ANO6: variants seen among roughly 807,000 people sequenced by gnomAD.
The protein encoded by ANO6 is anoctamin 6.
In ANO6, 106 loss-of-function variants were observed where a neutral mutation model predicts 117.5. That is an observed-to-expected ratio of 0.90 (90% CI 0.77 to 1.06). The LOEUF is 1.06. ANO6 is among the 50% of genes least tolerant of loss of function. ANO6 has a pLI of 0.00. For missense variants in ANO6, 955 were observed against 1,121.1 expected, an observed-to-expected ratio of 0.85 and a Z score of 2.12; for synonymous variants, 367 against 385.1, an observed-to-expected ratio of 0.95 and a Z score of 0.55.
At chr12:45,367,183 T>G (rs1941708048) in intron 8 of ANO6, among the ~76,000 whole-genome samples, 1 of 152,198 alleles carries the variant, frequency 6.6e-6, no homozygotes, top group Non-Finnish European at 1.5e-5. Context: ...GGTTTTGCCA[T>G]GTTGGCCAGG....
chr12:45,403,033 A>G lies in ANO6; in HGVS notation c.1613-39A>G, dbSNP rs763944419. 1.1e-5 allele frequency: 17 copies of G among 1,597,664 alleles called. No homozygotes were observed. In the Admixed American group the frequency reaches 2.8e-4, roughly 27 times the overall value. On this transcript the variant is annotated intron_variant, in intron 13 of 19. Coordinates refer to ENST00000320560, the MANE Select transcript of ANO6 (RefSeq NM_001025356.3). ...TTTTATTAGAGTCTCAAAGCTGTTCACAATTTTAAAATCTTATTTCTCTTT... is the reference window on the plus strand; with the variant it reads ...TTTTATTAGAGTCTCAAAGCTGTTCGCAATTTTAAAATCTTATTTCTCTTT...
At position 45,383,990 on chromosome 12, in the gene ANO6, A is replaced by G. The variant is rs527744718; in HGVS notation, c.1166-4171A>G. ...TGACATCTTCTTCCAATGGGAGGCT[A>G]TTTCATCTACCTTGAAAGTCTGTTG... On this transcript the variant is annotated intron_variant, in intron 10 of 19. Transcript: ENST00000320560. 2.0e-3 allele frequency among the ~76,000 whole-genome samples: 299 copies of G among 152,330 alleles called. 2 individuals are homozygous for G. Among genetic ancestry groups the G allele is most frequent in the African/African-American group, 6.8e-3 (284 of 41,570 alleles).
At chr12:45,220,480 T>G (rs576766070) in intron 1 of ANO6, among the ~76,000 whole-genome samples, 1 of 152,232 alleles carries the variant, frequency 6.6e-6, no homozygotes, top group Non-Finnish European at 1.5e-5. Context: ...AATCTGATAC[T>G]AGCCCCAGTC....
chr12:45,393,388 C>T (rs1942511813), intron 12 of ANO6, among the ~76,000 whole-genome samples: 1 of 152,158 alleles, frequency 6.6e-6, no homozygotes, highest in Non-Finnish European at 1.5e-5. Context: ...CTGAAAGTGA[C>T]AGAGAGAATG....
intron 8 of ANO6, among the ~76,000 whole-genome samples, chr12:45,363,629 G>T (rs773297108): frequency 1.3e-5 from 2 of 152,044 alleles, no homozygotes; most frequent in Non-Finnish European, 2.9e-5. Flanking sequence ...ATATGATTTG[G>T]CTGTGTCCTC....
chr12:45,402,916 G>A (rs1273730325), intron 13 of ANO6, among the ~76,000 whole-genome samples, 156 bp from the exon 14 acceptor site: 1 of 152,180 alleles, frequency 6.6e-6, no homozygotes, highest in Non-Finnish European at 1.5e-5. Context: ...TAACACAGTG[G>A]CTATATTAAG....
chr12:45,421,048 G>A (rs758043891), intron 17 of ANO6, 23 bp from the exon 18 acceptor site: 57 of 1,611,666 alleles, frequency 3.5e-5, no homozygotes, highest in Non-Finnish European at 4.5e-5. Context: ...CTTCATTTTC[G>A]CTTTGTTTTT....
In ANO6 at chr12:45,421,059, C is replaced by T. The variant is rs746478809; in HGVS notation, c.2218-12C>T. On this transcript the variant is annotated splice_polypyrimidine_tract_variant and intron_variant, in intron 17 of 19. Coordinates refer to ENST00000320560, the MANE Select transcript of ANO6 (RefSeq NM_001025356.3). The stretch of plus-strand genomic sequence containing the variant: ...ATAACTTCATTTTCGCTTTGTTTTT[C>T]TCCCAAAATAGGCCATGATCATAGC... 3.1e-6 allele frequency: 5 copies of T among 1,613,684 alleles called. No individual in the cohort carries two copies. The highest frequency in any genetic ancestry group is 4.2e-6 in the Non-Finnish European group (5 of 1,179,770).
At chr12:45,291,060 A>G (rs1399535847) in intron 1 of ANO6, among the ~76,000 whole-genome samples, 1 of 152,212 alleles carries the variant, frequency 6.6e-6, no homozygotes, top group Non-Finnish European at 1.5e-5. Context: ...TCTTCAACAA[A>G]TGGTGCTGCA....
intron 15 of ANO6, 50 bp downstream of exon 15, chr12:45,403,586 G>A: frequency 6.8e-7 from 1 of 1,473,194 alleles, no homozygotes; most frequent in Non-Finnish European, 9.5e-7. Context: ...GGATAGAACA[G>A]CCCATCCACA....
chr12:45,317,570 T>C lies in ANO6; in HGVS notation c.151-13725T>C, dbSNP rs543180279. ...AAGTCTTTGCTATTGTGAATAGTGCTGCAATAAACATACGTGTGCATGTGT... is the reference window on the plus strand; with the variant it reads ...AAGTCTTTGCTATTGTGAATAGTGCCGCAATAAACATACGTGTGCATGTGT... On this transcript the variant is annotated intron_variant, in intron 2 of 19. Coordinates refer to ENST00000320560, the MANE Select transcript of ANO6 (RefSeq NM_001025356.3). Among the ~76,000 whole-genome samples the C allele has an allele frequency of 8.6e-5, 13 of 151,952 alleles. No individual in the cohort carries two copies. In the South Asian group the frequency reaches 2.3e-3, roughly 27 times the overall value.
chr12:45,370,964 A>G (rs1361598167), intron 9 of ANO6, among the ~76,000 whole-genome samples: 1 of 152,152 alleles, frequency 6.6e-6, no homozygotes, highest in Non-Finnish European at 1.5e-5. Flanking sequence ...TCATCTCACT[A>G]GGGAGTGCCA....
chr12:45,293,100 A>G (rs764161365), intron 1 of ANO6: 3 of 587,914 alleles, frequency 5.1e-6, no homozygotes, highest in Non-Finnish European at 6.4e-6. Context: ...AGTATGGTGC[A>G]GTGCAATATG....
intron 1 of ANO6, among the ~76,000 whole-genome samples, chr12:45,252,549 T>C (rs1487686806): frequency 6.6e-6 from 1 of 152,174 alleles, no homozygotes; most frequent in Non-Finnish European, 1.5e-5. Context: ...GTATCTCCGT[T>C]GTTTCTTAGG....
At chr12:45,225,121 A>G (rs543011689) in intron 1 of ANO6, among the ~76,000 whole-genome samples, 2 of 151,624 alleles carry the variant, frequency 1.3e-5, no homozygotes, top group Admixed American at 6.6e-5. Flanking sequence ...CCAGGAAGCC[A>G]AGGCTGCAGT....
chr12:45,219,971 C>G (rs1322818892), intron 1 of ANO6, among the ~76,000 whole-genome samples: 1 of 152,132 alleles, frequency 6.6e-6, no homozygotes, highest in African/African-American at 2.4e-5. Flanking sequence ...TGTGTGCTAC[C>G]CTGCCAAGTG....
intron 1 of ANO6, among the ~76,000 whole-genome samples, chr12:45,274,200 A>G (rs994657960): frequency 3.1e-4 from 47 of 152,282 alleles, no homozygotes; most frequent in African/African-American, 1.0e-3. Flanking sequence ...AAGGCCCTGA[A>G]TGCCATCTGT....
At chr12:45,433,570 G>A (rs1000678408), downstream of ANO6, among the ~76,000 whole-genome samples, 3 of 152,180 alleles carry the variant, frequency 2.0e-5, no homozygotes, top group Admixed American at 6.5e-5. Context: ...ATAAGCAATG[G>A]GGAACCTGTG....
At chr12:45,370,415 T>C (rs1941793480) in intron 9 of ANO6, among the ~76,000 whole-genome samples, 1 of 152,216 alleles carries the variant, frequency 6.6e-6, no homozygotes, top group Non-Finnish European at 1.5e-5. Context: ...AATGCTCCCA[T>C]TTTACCCTCT....
Sources: allele counts gnomAD v4.1 joint callset (sites outside exome capture counted in the v4.1 genomes callset), GRCh38; gene constraint gnomAD v4.1.1; transcripts MANE v1.5; gene names NCBI Gene and HGNC (gene_info 2026-07-23, HGNC 2026-07-21).